The following COBLL1 variants were observed in gnomAD, a reference collection of about 807,000 sequenced individuals.
COBLL1 encodes the protein cordon-bleu protein-like 1.
A neutral mutation model predicts 94.8 loss-of-function variants in COBLL1; 50 were observed. The observed-to-expected ratio is 0.53, with a 90% CI of 0.42 to 0.67. The LOEUF (loss-of-function observed/expected upper bound fraction) is 0.67, where lower values mean the gene tolerates loss of function less well. COBLL1 is among the 30% of genes least tolerant of loss of function. The pLI is 0.00. For missense variants in COBLL1, 1,362 were observed against 1,348.7 expected (o/e 1.01, Z -0.15); for synonymous variants, 448 against 473.8 (o/e 0.95, Z 0.71).
At chr2:164,774,865 C>CAAAA (rs34127217) in intron 2 of COBLL1, among the ~76,000 whole-genome samples, 1 of 130,184 alleles carries the variant, frequency 7.7e-6, no homozygotes, top group Admixed American at 7.9e-5. Context: ...TCACTTTTTT[C>CAAAA]AAAAAAAAAA....
chr2:164,734,691 C>G (rs946899393), intron 3 of COBLL1, among the ~76,000 whole-genome samples: 3 of 152,072 alleles, frequency 2.0e-5, no homozygotes, highest in African/African-American at 4.8e-5. Context: ...AGAAAGGAGA[C>G]AGAGACAGAA....
intron 2 of COBLL1, among the ~76,000 whole-genome samples, chr2:164,818,298 A>ATATGTATACATATATG (rs1181417647): frequency 1.4e-5 from 2 of 141,918 alleles, no homozygotes; most frequent in African/African-American, 5.8e-5. Flanking sequence ...GTATGTATAC[A>ATATGTATACATATATG]TATGTATACA....
At chr2:164,840,484 C>A (rs1683537978) in intron 2 of COBLL1, among the ~76,000 whole-genome samples, 1 of 151,670 alleles carries the variant, frequency 6.6e-6, no homozygotes, top group African/African-American at 2.4e-5. Context: ...GGCAGGAAGA[C>A]ATGCCTCATT....
intron 2 of COBLL1, among the ~76,000 whole-genome samples, chr2:164,840,229 G>C (rs1196744074): frequency 6.6e-6 from 1 of 151,428 alleles, no homozygotes; most frequent in Non-Finnish European, 1.5e-5. Flanking sequence ...ATTCTCATTA[G>C]GGCATTTCTG....
chr2:164,668,307 C>A (rs1162102976), intron 1 of COBLL1, among the ~76,000 whole-genome samples: 1 of 152,134 alleles, frequency 6.6e-6, no homozygotes, highest in East Asian at 1.9e-4. Context: ...CTTGATCATT[C>A]CTAGCTTTTG....
intron 2 of COBLL1, among the ~76,000 whole-genome samples, chr2:164,813,601 A>T (rs1330388697): frequency 6.6e-6 from 1 of 152,180 alleles, no homozygotes; most frequent in Non-Finnish European, 1.5e-5. Context: ...AAATGAAAGC[A>T]TCTCCATGTC....
chr2:164,824,390 A>AG (rs898029280), intron 2 of COBLL1, among the ~76,000 whole-genome samples: 3 of 151,880 alleles, frequency 2.0e-5, no homozygotes, highest in Admixed American at 6.6e-5. Context: ...CAAAAAAGAA[A>AG]AAAAAAAAAA....
chr2:164,773,921 G>T, intron 2 of COBLL1: 1 of 169,906 alleles, frequency 5.9e-6, no homozygotes, highest in Non-Finnish European at 1.2e-5. Flanking sequence ...CATTTTCACA[G>T]GCTCTTTTTC....
chr2:164,789,901 C>A (rs544963272), intron 2 of COBLL1, among the ~76,000 whole-genome samples: 1 of 152,166 alleles, frequency 6.6e-6, no homozygotes, highest in South Asian at 2.1e-4. Context: ...GGACTGATTA[C>A]GAACACGTGA....
chr2:164,797,398 T>C (rs911863088), intron 2 of COBLL1, among the ~76,000 whole-genome samples: 2 of 152,234 alleles, frequency 1.3e-5, no homozygotes. Flanking sequence ...AGGCATAGTT[T>C]TGGGTCCCTT....
chr2:164,750,574 C>G (rs1207832935), intron 2 of COBLL1, among the ~76,000 whole-genome samples: 2 of 152,168 alleles, frequency 1.3e-5, no homozygotes, highest in African/African-American at 4.8e-5. Context: ...CTCCTCTTGT[C>G]CCTTAAAATC....
At chr2:164,797,335 T>C (rs572970654) in intron 2 of COBLL1, among the ~76,000 whole-genome samples, 57 of 152,330 alleles carry the variant, frequency 3.7e-4, no homozygotes, top group Admixed American at 1.2e-3. Context: ...TACTTACTTT[T>C]TCACTCTAAC....
At chr2:164,824,083 C>G (rs1685314259) in intron 2 of COBLL1, among the ~76,000 whole-genome samples, 1 of 152,028 alleles carries the variant, frequency 6.6e-6, no homozygotes, top group South Asian at 2.1e-4. Flanking sequence ...AGCCTAAATC[C>G]TTATTAAATA....
Position 164,805,334 on chromosome 2 carries a change from T to TAAATATATATA in COBLL1, c.41+35821_41+35822insTATATATATTT, listed in dbSNP as rs1559033563. Among the ~76,000 whole-genome samples, 243 of 59,730 alleles carry TAAATATATATA rather than the reference T, an allele frequency of 4.1e-3. 40 individuals are homozygous for TAAATATATATA. Among genetic ancestry groups the TAAATATATATA allele is most frequent in the African/African-American group, 0.015 (232 of 15,702 alleles). 39.2% of individuals were successfully genotyped at this position (59,730 alleles called of 152,430 possible). On this transcript the variant is annotated intron_variant, in intron 2 of 13. Coordinates refer to ENST00000652658, the MANE Select transcript of COBLL1 (RefSeq NM_001365672.2). ...CTCTCTCTCTCTCTCTCTCTCTCTC[T>TAAATATATATA]CTCTATATATATATATATATATATA...
rs1224525776 is a variant in COBLL1, at chr2:164,728,069, T to G, written c.561A>C (p.Thr187=). 2 of 1,613,804 alleles carry G rather than the reference T, an allele frequency of 1.2e-6. No individual in the cohort carries two copies. Among genetic ancestry groups the G allele is most frequent in the Non-Finnish European group, 1.7e-6 (2 of 1,179,732 alleles). The change falls in exon 5 of 14, where the codon ACA becomes ACC. Residue 187 remains threonine, a synonymous_variant. Coordinates refer to ENST00000652658, the MANE Select transcript of COBLL1 (RefSeq NM_001365672.2). The part of the protein sequence containing the change: ...CSKCEFDPLH[T]LLLKDYQSQE... The stretch of plus-strand genomic sequence containing the variant: ...GCGATTGATAATCTTTCAACAATAG[T>G]GTATGCAACGGATCAAACTCACATT...
intron 2 of COBLL1, chr2:164,837,502 C>CA (rs200406641): frequency 0.09 from 28,855 of 322,084 alleles, 10 homozygotes; most frequent in South Asian, 0.15. Context: ...TTGCTCTCTG[C>CA]AAAAAAAAAA....
chr2:164,839,461 G>C (rs1302898726), intron 2 of COBLL1, among the ~76,000 whole-genome samples: 1 of 152,126 alleles, frequency 6.6e-6, no homozygotes, highest in Non-Finnish European at 1.5e-5. Context: ...AAAGTCTGAA[G>C]GTTCTTACTA....
chr2:164,811,848 G>T (rs969877863), intron 2 of COBLL1, among the ~76,000 whole-genome samples: 7 of 151,824 alleles, frequency 4.6e-5, no homozygotes, highest in Admixed American at 4.6e-4. Flanking sequence ...TTGAACGCTA[G>T]AAGCATCTAC....
chr2:164,833,209 C>A (rs974466958), intron 2 of COBLL1, among the ~76,000 whole-genome samples: 1 of 151,846 alleles, frequency 6.6e-6, no homozygotes, highest in African/African-American at 2.4e-5. Flanking sequence ...CAAAAATTAG[C>A]TGGGCATGGT....
Sources: allele counts gnomAD v4.1 joint callset (sites outside exome capture counted in the v4.1 genomes callset), GRCh38; gene constraint gnomAD v4.1.1; transcripts MANE v1.5; gene names NCBI Gene and HGNC (gene_info 2026-07-23, HGNC 2026-07-21).